MIER2: variants seen among roughly 807,000 people sequenced by gnomAD.
MIER2 encodes MIER family member 2.
Under a neutral mutation model 67.6 loss-of-function variants are expected in MIER2, and 30 were observed. That is an observed-to-expected ratio of 0.44 (90% CI 0.33 to 0.60). The LOEUF (loss-of-function observed/expected upper bound fraction) is 0.60, where lower values mean the gene tolerates loss of function less well. Among genes scored for constraint, MIER2 ranks in the 20% least tolerant of loss-of-function variants. The pLI is 0.02. For missense variants in MIER2, 702 were observed against 745.1 expected (o/e 0.94, Z 0.67); for synonymous variants, 372 against 312.6 (o/e 1.19, Z -2.00).
chr19:325,414 C>T (rs1465703504), intron 7 of MIER2, among the ~76,000 whole-genome samples: 2 of 152,108 alleles, frequency 1.3e-5, no homozygotes, highest in African/African-American at 4.8e-5. Context: ...CACAGGCTGA[C>T]CAGAGCAGAC....
chr19:329,723 C>T (rs932900103), intron 3 of MIER2, among the ~76,000 whole-genome samples: 2 of 151,944 alleles, frequency 1.3e-5, no homozygotes, highest in Non-Finnish European at 2.9e-5. Context: ...CCTGTCTCTA[C>T]TAAAATACAA....
chr19:321,944 A>G (rs1322203052), intron 7 of MIER2, among the ~76,000 whole-genome samples: 1 of 151,852 alleles, frequency 6.6e-6, no homozygotes, highest in Non-Finnish European at 1.5e-5. Context: ...TCGCTCTGTC[A>G]CCCAGGCTGG....
At position 326,622 on chromosome 19, in the gene MIER2, C is replaced by A. The variant is rs764826022; in HGVS notation, c.494-24G>T. 6.3e-6 allele frequency: 10 copies of A among 1,595,908 alleles called. No homozygotes were observed. In the South Asian group the frequency reaches 1.1e-4, roughly 18 times the overall value. On this transcript the variant is annotated intron_variant, in intron 5 of 13. Coordinates refer to ENST00000264819, the MANE Select transcript of MIER2 (RefSeq NM_017550.3). The stretch of plus-strand genomic sequence containing the variant: ...AGCTTTGGGAAAACAGAGGCAGGTC[C>A]CCCAGGGTCTCCACTGCCTGCAGCC...
rs1970779359 is a variant in MIER2 at position 308,655 on chromosome 19, G to C, written c.1120C>G (p.Gln374Glu). ...YVPSGTTDAD[Q>E]DLDGSDPDGP... ...TCGGGGTCGCTGCCATCCAGGTCCT[G>C]GTCTGCGTCCCTGTGGGGAGAGGGC... Residue 374 changes from glutamine (Q) to glutamate (E), a missense_variant, in exon 12 of 14, where the codon CAG (glutamine) becomes GAG (glutamate). Around this residue, in one of 3 missense-constraint regions of MIER2, gnomAD observed 254 missense variants for 262.8 expected, o/e 0.97. Transcript: ENST00000264819. This position sits in a 1 kb window ranked among gnomAD's most constrained non-coding sequence, Gnocchi z 9.1. 1 of 1,603,128 alleles carries C rather than the reference G, an allele frequency of 6.2e-7. No individual in the cohort carries two copies. Among genetic ancestry groups the C allele is most frequent in the Non-Finnish European group, 8.5e-7 (1 of 1,176,246 alleles).
chr19:327,598 G>T (rs541968994), intron 4 of MIER2, among the ~76,000 whole-genome samples: 41 of 152,338 alleles, frequency 2.7e-4, no homozygotes, highest in African/African-American at 9.9e-4. Context: ...CTCTGGGTAC[G>T]GAATGGCAGA....
At chr19:326,999 C>T (rs1423443015) in intron 5 of MIER2, 134 bp downstream of exon 5, 23 of 1,286,902 alleles carry the variant, frequency 1.8e-5, no homozygotes, top group South Asian at 7.9e-5. Context: ...GGGCTACTGA[C>T]GCTTCCCGCC....
At chr19:323,025 G>A (rs1971562033) in intron 7 of MIER2, among the ~76,000 whole-genome samples, 1 of 151,546 alleles carries the variant, frequency 6.6e-6, no homozygotes, top group African/African-American at 2.4e-5. Context: ...CAATACACAA[G>A]ACACACACAA....
At chr19:336,590 T>A (rs1033311715) in intron 1 of MIER2, among the ~76,000 whole-genome samples, 1 of 151,880 alleles carries the variant, frequency 6.6e-6, no homozygotes, top group African/African-American at 2.4e-5. Flanking sequence ...ACAGACAGAA[T>A]GGGGGCTCGT....
chr19:340,913 C>T (rs536488323), intron 1 of MIER2, among the ~76,000 whole-genome samples: 50 of 152,222 alleles, frequency 3.3e-4, no homozygotes, highest in African/African-American at 1.1e-3. Context: ...GAAGGGGCCA[C>T]GGGACTGGAA....
At chr19:333,590 C>T (rs1332720251) in intron 3 of MIER2, among the ~76,000 whole-genome samples, 6 of 60,114 alleles carry the variant, frequency 1.0e-4, no homozygotes, top group African/African-American at 2.9e-4. Flanking sequence ...CTCGGCTCAC[C>T]GCAACCTCCG....
chr19:325,286 C>A (rs1381640780), intron 7 of MIER2, among the ~76,000 whole-genome samples: 1 of 152,232 alleles, frequency 6.6e-6, no homozygotes, highest in African/African-American at 2.4e-5. Flanking sequence ...CTCTGGAGAA[C>A]CATCTAACCC....
intron 7 of MIER2, among the ~76,000 whole-genome samples, chr19:315,990 C>G (rs987214409): frequency 6.6e-6 from 1 of 152,256 alleles, no homozygotes; most frequent in Non-Finnish European, 1.5e-5. Flanking sequence ...TAAGACCGTC[C>G]TCTGACTTCT....
chr19:343,548 AG>A, intron 1 of MIER2, among the ~76,000 whole-genome samples: 1 of 152,284 alleles, frequency 6.6e-6, no homozygotes, highest in East Asian at 1.9e-4. Context: ...GGTCGTCACC[AG>A]GGGGAGAGAA....
rs557571212 is a variant in MIER2, at chr19:306,702, C to G, written c.1626G>C (p.Val542=). ...LHSEPLSHCN[V]MTC is the part of the protein sequence containing the mutation. ...CCGCGGCCAGGAGTCAGCAGGTCAT[C>G]ACGTTACAGCTGCAGGGGAGAGACC... The change falls in exon 14 of 14, where the codon GTG becomes GTC. Residue 542 remains valine, a synonymous_variant. Coordinates refer to ENST00000264819, the MANE Select transcript of MIER2 (RefSeq NM_017550.3). 3 of 1,560,866 alleles carry G rather than the reference C, an allele frequency of 1.9e-6. No individual in the cohort carries two copies. Among genetic ancestry groups the G allele is most frequent in the Admixed American group, 1.9e-5 (1 of 52,418 alleles).
At chr19:322,936 C>T (rs952260737) in intron 7 of MIER2, among the ~76,000 whole-genome samples, 3 of 152,102 alleles carry the variant, frequency 2.0e-5, no homozygotes, top group Non-Finnish European at 4.4e-5. Context: ...CACACACAAC[C>T]ACGGCATCCA....
rs1474208528 is a variant in MIER2 at position 309,985 on chromosome 19, C to T, written c.985-1060G>A. 1.6e-3 allele frequency among the ~76,000 whole-genome samples: 198 copies of T among 125,022 alleles called. 1 individual carries two copies. Among genetic ancestry groups the T allele is most frequent in the Non-Finnish European group, 2.6e-3 (164 of 62,424 alleles). 82.0% of individuals were successfully genotyped at this position (125,022 alleles called of 152,430 possible). A position where few individuals can be genotyped will look rare whatever the true frequency, so the allele number is the denominator to read the frequency against. On this transcript the variant is annotated intron_variant, in intron 10 of 13. Transcript: ENST00000264819. ...ACACGCACACAAGGCTTCAGGGAGA[C>T]GAGAAGGGACACACACACACACGCA...
In MIER2 at chr19:305,790, G is replaced by A. The variant is rs997638723; in HGVS notation, c.*900C>T. On this transcript the variant is annotated 3_prime_UTR_variant, in exon 14 of 14. Transcript: ENST00000264819. The stretch of plus-strand genomic sequence containing the variant: ...AACAGAAACAGAAACGAACGAGAGG[G>A]CCAGGGAGGAGGGGGACCAGGACTC... 1 of 152,670 alleles carries A rather than the reference G, an allele frequency of 6.6e-6. No homozygotes were observed. The highest frequency in any genetic ancestry group is 1.5e-5 in the Non-Finnish European group (1 of 68,180). 9.5% of individuals were successfully genotyped at this position (152,670 alleles called of 1,614,324 possible).
chr19:342,327 G>A (rs913975519), intron 1 of MIER2, among the ~76,000 whole-genome samples: 12 of 152,128 alleles, frequency 7.9e-5, no homozygotes, highest in African/African-American at 1.4e-4. Flanking sequence ...GTATGGTACC[G>A]AGAAGAGAAA....
chr19:312,019 C>T (rs564963610), intron 9 of MIER2, 80 bp from the exon 10 acceptor site: 2 of 1,134,382 alleles, frequency 1.8e-6, no homozygotes, highest in South Asian at 1.9e-5. Flanking sequence ...CCGGGGAGAA[C>T]AGTCAGCGGC....
Sources: allele counts gnomAD v4.1 joint callset (sites outside exome capture counted in the v4.1 genomes callset), GRCh38; gene constraint gnomAD v4.1.1; regional missense constraint gnomAD v4.1.1; non-coding constraint Gnocchi (gnomAD v3.1); transcripts MANE v1.5; gene names NCBI Gene and HGNC (gene_info 2026-07-23, HGNC 2026-07-21).